CXCL12: variants seen among roughly 807,000 people sequenced by gnomAD.
The protein encoded by CXCL12 is stromal cell-derived factor 1.
Under a neutral mutation model 10.7 loss-of-function variants are expected in CXCL12, and 4 were observed. The ratio of observed to expected loss-of-function variants is 0.37; its 90% CI spans 0.18 to 0.86. The LOEUF (loss-of-function observed/expected upper bound fraction) is 0.86, where lower values mean the gene tolerates loss of function less well. CXCL12 is among the 40% of genes least tolerant of loss of function. The pLI is 0.43. For synonymous variants in CXCL12, 54 were observed against 45.4 expected, an observed-to-expected ratio of 1.19 and a Z score of -0.77; for missense variants, 122 against 110.4, an observed-to-expected ratio of 1.10 and a Z score of -0.47.
At position 44,377,984 on chromosome 10, in the gene CXCL12, T is replaced by C; in HGVS notation, c.*649A>G. 6.6e-7 allele frequency: 1 copy of C among 1,514,828 alleles called. No homozygotes were observed. The highest frequency in any genetic ancestry group is 1.2e-5 in the South Asian group (1 of 80,438). The allele number at this position is 1,514,828 out of a possible 1,614,324, so 93.8% of individuals were successfully genotyped here. On this transcript the variant is annotated 3_prime_UTR_variant, in exon 3 of 3. Coordinates refer to ENST00000343575, the MANE Select transcript of CXCL12 (RefSeq NM_199168.4). Reference sequence around the variant, plus strand: ...AGAGTAGGAATAGCTGGGAGAGGGGTCTCTGAGCACAGTCCCAGTAATAGT... The same window carrying C: ...AGAGTAGGAATAGCTGGGAGAGGGGCCTCTGAGCACAGTCCCAGTAATAGT...
Position 44,378,507 on chromosome 10 carries a change from A to G in CXCL12, c.*126T>C. 2 of 1,551,464 alleles carry G rather than the reference A, an allele frequency of 1.3e-6. No individual in the cohort carries two copies. On this transcript the variant is annotated 3_prime_UTR_variant, in exon 3 of 3. Coordinates refer to ENST00000343575, the MANE Select transcript of CXCL12 (RefSeq NM_199168.4). ...GGCCCGATCCCAGATCAATGTGCCC[A>G]CCCCACACACACACCTGGTCCTCAT... is the stretch of plus-strand genomic sequence containing the variant.
Position 44,377,679 on chromosome 10 carries a change from C to G in CXCL12, c.*954G>C. On this transcript the variant is annotated 3_prime_UTR_variant, in exon 3 of 3. Coordinates refer to ENST00000343575, the MANE Select transcript of CXCL12 (RefSeq NM_199168.4). ...AATCACAAAACCCAGTCACTCAAAG[C>G]GAGCTCTCAGATTTAAAATTGCATT... The G allele has an allele frequency of 6.3e-7, 1 of 1,580,576 alleles. No homozygotes were observed. Among genetic ancestry groups the G allele is most frequent in the Non-Finnish European group, 8.5e-7 (1 of 1,171,364 alleles).
Position 44,380,835 on chromosome 10 carries a change from T to C in CXCL12, c.107A>G (p.Glu36Gly), listed in dbSNP as rs751961159. 6.8e-6 allele frequency: 11 copies of C among 1,614,230 alleles called. No individual in the cohort carries two copies. Among genetic ancestry groups the C allele is most frequent in the Admixed American group, 6.7e-5 (4 of 60,032 alleles). The change falls in exon 2 of 3, where the codon GAA (glutamate) becomes GGA (glycine). Residue 36 changes from glutamate to glycine, a missense_variant. Coordinates refer to ENST00000343575, the MANE Select transcript of CXCL12 (RefSeq NM_199168.4). ...GACGTTGGCTCTGGCAACATGGCTT[T>C]CGAAGAATCGGCATGGGCATCTGTA... ...LSYRCPCRFF[E>G]SHVARANVKH... is the part of the protein sequence containing the mutation.
At chr10:44,372,973 G>T (rs1350903044), downstream of CXCL12, 1 of 1,536,000 alleles carries the variant, frequency 6.5e-7, no homozygotes, top group South Asian at 1.2e-5. Context: ...CATGGGGCCA[G>T]GCTCCCTCAG....
chr10:44,376,412 A>G (rs1410253787), downstream of CXCL12, among the ~76,000 whole-genome samples: 2 of 152,208 alleles, frequency 1.3e-5, no homozygotes, highest in Non-Finnish European at 2.9e-5. Flanking sequence ...CTTCTTCTCA[A>G]TGCAGGGCTG....
intron 2 of CXCL12, 117 bp from the exon 3 acceptor site, chr10:44,378,840 T>C (rs1404121434): frequency 6.8e-6 from 7 of 1,027,762 alleles, no homozygotes; most frequent in Non-Finnish European, 1.1e-5. Flanking sequence ...CGTGCTCCAC[T>C]TGGTACGCTC....
chr10:44,380,764 C>A lies in CXCL12; in HGVS notation c.178G>T (p.Val60Leu). The change falls in exon 2 of 3, where the codon GTA (valine) becomes TTA (leucine). Residue 60 changes from valine to leucine, a missense_variant and splice_region_variant. Val to Leu is a conservative substitution (Grantham distance 32). Coordinates refer to ENST00000343575, the MANE Select transcript of CXCL12 (RefSeq NM_199168.4). The stretch of plus-strand genomic sequence containing the variant: ...ATGATGTTCAATTTCAAGACTTACA[C>A]AATCTGAAGGGCACAGTTTGGAGTG... ...LNTPNCALQI[V>L]ARLKNNNRQV... 6.2e-7 allele frequency: 1 copy of A among 1,611,664 alleles called. No individual in the cohort carries two copies. The highest frequency in any genetic ancestry group is 8.5e-7 in the Non-Finnish European group (1 of 1,177,690).
chr10:44,384,745 C>G (rs1489912067), intron 1 of CXCL12, among the ~76,000 whole-genome samples, 200 bp downstream of exon 1: 1 of 152,256 alleles, frequency 6.6e-6, no homozygotes, highest in Non-Finnish European at 1.5e-5. Context: ...CGGTCGCTCT[C>G]TGCAGGTCAC....
At position 44,377,163 on chromosome 10, in the gene CXCL12, G is replaced by A. The variant is rs1450951059; in HGVS notation, c.*1470C>T. ...TGAAACAATTAGCATTTTATTGCTA[G>A]TGCATATAATGTCACATTTGATACA... On this transcript the variant is annotated 3_prime_UTR_variant, in exon 3 of 3. Coordinates refer to ENST00000343575, the MANE Select transcript of CXCL12 (RefSeq NM_199168.4). 9.1e-6 allele frequency: 9 copies of A among 985,710 alleles called. No individual in the cohort carries two copies. Among genetic ancestry groups the A allele is most frequent in the Non-Finnish European group, 1.1e-5 (9 of 830,116 alleles). The allele number at this position is 985,710 out of a possible 1,614,324, so 61.1% of individuals were successfully genotyped here. A position where few individuals can be genotyped will look rare whatever the true frequency, so the allele number is the denominator to read the frequency against.
At chr10:44,384,196 G>A (rs1839724313) in intron 1 of CXCL12, among the ~76,000 whole-genome samples, 1 of 152,176 alleles carries the variant, frequency 6.6e-6, no homozygotes, top group South Asian at 2.1e-4. Context: ...GGGAGCTGGG[G>A]AGGGGGCGTG....
chr10:44,381,314 G>A lies in CXCL12; in HGVS notation c.62-434C>T, dbSNP rs545305191. ...AAAGAAAGGGGGACAAGAGGCTCCAGGCTCCCTGGCCTCTCTCCTCTGGCA... is the reference window on the plus strand; with the variant it reads ...AAAGAAAGGGGGACAAGAGGCTCCAAGCTCCCTGGCCTCTCTCCTCTGGCA... On this transcript the variant is annotated intron_variant, in intron 1 of 2. Transcript: ENST00000343575. 3.9e-5 allele frequency among the ~76,000 whole-genome samples: 6 copies of A among 152,344 alleles called. No homozygotes were observed. The South Asian group carries it at 1.2e-3, about 32-fold the overall frequency.
downstream of CXCL12, chr10:44,372,604 A>G (rs544583442): frequency 1.3e-5 from 17 of 1,285,254 alleles, no homozygotes; most frequent in South Asian, 3.4e-4. Context: ...CACAGTTTAC[A>G]TGAAAGCTTT....
chr10:44,374,618 G>C (rs1270128361), downstream of CXCL12: 7 of 456,060 alleles, frequency 1.5e-5, no homozygotes, highest in Admixed American at 4.7e-5. Context: ...CCCCAACGAG[G>C]AGAAGGCATG....
At chr10:44,376,014 T>C, downstream of CXCL12, 1 of 1,603,696 alleles carries the variant, frequency 6.2e-7, no homozygotes, top group Non-Finnish European at 8.5e-7. Context: ...TTTTCCCCAC[T>C]TTTTCTTCTC....
downstream of CXCL12, among the ~76,000 whole-genome samples, chr10:44,376,830 A>G (rs774453991): frequency 1.2e-4 from 18 of 151,788 alleles, no homozygotes; most frequent in Non-Finnish European, 2.4e-4. Flanking sequence ...AGTTAGGAGA[A>G]CCAAGGAGGA....
downstream of CXCL12, chr10:44,371,857 C>G (rs1216731674): frequency 1.3e-5 from 2 of 152,504 alleles, no homozygotes; most frequent in Non-Finnish European, 2.9e-5. Flanking sequence ...CAAAAACCCA[C>G]AAGTGCTTGC....
At chr10:44,381,879 CTTTTTTT>C (rs1233458783) in intron 1 of CXCL12, among the ~76,000 whole-genome samples, 1 of 150,522 alleles carries the variant, frequency 6.6e-6, no homozygotes, top group African/African-American at 2.4e-5. Flanking sequence ...TTTCTTTTTT[CTTTTTTT>C]TTAAGTTTGC....
At chr10:44,384,650 C>T (rs1318760469) in intron 1 of CXCL12, among the ~76,000 whole-genome samples, 1 of 152,240 alleles carries the variant, frequency 6.6e-6, no homozygotes, top group African/African-American at 2.4e-5. Context: ...CTCGCGCCTT[C>T]CCGCGCCAGT....
At chr10:44,384,274 A>G (rs903832646) in intron 1 of CXCL12, among the ~76,000 whole-genome samples, 11 of 152,036 alleles carry the variant, frequency 7.2e-5, no homozygotes, top group African/African-American at 2.7e-4. Context: ...CAGCGGCTGG[A>G]CGCGCGCCCA....
Sources: allele counts gnomAD v4.1 joint callset (sites outside exome capture counted in the v4.1 genomes callset), GRCh38; gene constraint gnomAD v4.1.1; transcripts MANE v1.5; gene names NCBI Gene and HGNC (gene_info 2026-07-23, HGNC 2026-07-21).